The following DST variants were observed in gnomAD, a reference collection of about 807,000 sequenced individuals.
The protein encoded by DST is bullous pemphigoid antigen.
DST carries 253 observed loss-of-function variants against 875.2 expected under a neutral mutation model. The observed-to-expected ratio is 0.29, with a 90% CI of 0.26 to 0.32. DST has a LOEUF of 0.32. Ranked by LOEUF, DST falls within the 10% of genes least tolerant of loss-of-function variation. DST has a pLI of 1.00. For missense variants in DST, 8,287 were observed against 9,111.6 expected (o/e 0.91, Z 3.68); for synonymous variants, 3,124 against 3,197.1 (o/e 0.98, Z 0.77).
At chr6:56,642,965 T>C in intron 15 of DST, 1 of 1,396,978 alleles carries the variant, frequency 7.2e-7, no homozygotes, top group South Asian at 1.5e-5. Flanking sequence ...AATATGCTGA[T>C]AACTATTCAA....
intron 4 of DST, among the ~76,000 whole-genome samples, chr6:56,790,143 G>A (rs1367303713): frequency 6.6e-6 from 1 of 151,976 alleles, no homozygotes; most frequent in African/African-American, 2.4e-5. Context: ...GCTGACACTG[G>A]GGACTTTCCC....
rs190345863 is a variant in DST at position 56,567,234 on chromosome 6, G to A, written c.14005+1235C>T. The stretch of plus-strand genomic sequence containing the variant: ...AGACTTTCTCATACTAGTATCTATC[G>A]GCTATGTATCCAAAACACAAAGACA... On this transcript the variant is annotated intron_variant, in intron 55 of 103. Coordinates refer to ENST00000680361, the MANE Select transcript of DST (RefSeq NM_001374736.1). Among the ~76,000 whole-genome samples, 12 of 151,940 alleles carry A rather than the reference G, an allele frequency of 7.9e-5. No homozygotes were observed. In the East Asian group the frequency reaches 2.1e-3, roughly 27 times the overall value.
chr6:56,743,068 A>T (rs2099553202), intron 4 of DST, among the ~76,000 whole-genome samples: 1 of 152,194 alleles, frequency 6.6e-6, no homozygotes, highest in Non-Finnish European at 1.5e-5. Flanking sequence ...CCCTAATCTA[A>T]TAATGCAGGA....
At chr6:56,527,219 CCT>C (rs1491144132) in intron 68 of DST, among the ~76,000 whole-genome samples, 1 of 152,020 alleles carries the variant, frequency 6.6e-6, no homozygotes, top group Non-Finnish European at 1.5e-5. Flanking sequence ...TGATCATTTT[CCT>C]TTTTTTTTTC....
At chr6:56,746,698 A>C (rs2099573473) in intron 4 of DST, among the ~76,000 whole-genome samples, 1 of 152,192 alleles carries the variant, frequency 6.6e-6, no homozygotes, top group Non-Finnish European at 1.5e-5. Flanking sequence ...ATATTTCCAG[A>C]TTGAGTGCCT....
At chr6:56,762,953 C>T (rs2099621109) in intron 4 of DST, among the ~76,000 whole-genome samples, 2 of 149,596 alleles carry the variant, frequency 1.3e-5, no homozygotes, top group South Asian at 2.1e-4. Context: ...CCGGTTCAAG[C>T]GATTCTCCTA....
At chr6:56,940,724 C>A (rs769882670) in intron 2 of DST, among the ~76,000 whole-genome samples, 1 of 151,788 alleles carries the variant, frequency 6.6e-6, no homozygotes, top group Non-Finnish European at 1.5e-5. Context: ...GGACTGCAGG[C>A]GCAAGCCACC....
intron 90 of DST, among the ~76,000 whole-genome samples, chr6:56,477,722 T>C (rs562260309): frequency 6.6e-6 from 1 of 152,072 alleles, no homozygotes; most frequent in Admixed American, 6.5e-5. Context: ...CCAAGGGGAG[T>C]TGGTTCCAGG....
intron 9 of DST, among the ~76,000 whole-genome samples, chr6:56,672,959 A>C (rs1414994586): frequency 6.6e-6 from 1 of 152,158 alleles, no homozygotes; most frequent in Non-Finnish European, 1.5e-5. Context: ...GGAAACTGTG[A>C]ATGAAAAAGT....
intron 3 of DST, among the ~76,000 whole-genome samples, chr6:56,855,479 G>A (rs547028066): frequency 6.6e-6 from 1 of 152,080 alleles, no homozygotes; most frequent in African/African-American, 2.4e-5. Context: ...GGGGTGGGGG[G>A]TTAAATCAAG....
At chr6:56,845,566 G>A (rs2099806305) in intron 4 of DST, among the ~76,000 whole-genome samples, 1 of 152,178 alleles carries the variant, frequency 6.6e-6, no homozygotes, top group Non-Finnish European at 1.5e-5. Context: ...ATATGCATTT[G>A]TATGCACATT....
At position 56,608,429 on chromosome 6, in the gene DST, G is replaced by A. The variant is rs763489373; in HGVS notation, c.6199C>T (p.Arg2067Ter). 16 of 1,613,536 alleles carry A rather than the reference G, an allele frequency of 9.9e-6. No individual in the cohort carries two copies. Among genetic ancestry groups the A allele is most frequent in the South Asian group, 8.8e-5 (8 of 91,082 alleles). The change falls in exon 40 of 104, where the codon CGA (arginine) becomes TGA (stop). Residue 2067 changes from arginine (R) to a stop codon, truncating the protein, a stop_gained. Transcript: ENST00000680361. LOFTEE classifies it high-confidence loss of function. ...SSALLVLEAQ[R>*]GYVGLIWPHS... ...GGCCAAATGAGTCCAACATAGCCTCGCTGAGCTTCCAGGACCAGAAGAGCA... is the reference window on the plus strand; with the variant it reads ...GGCCAAATGAGTCCAACATAGCCTCACTGAGCTTCCAGGACCAGAAGAGCA...
intron 69 of DST, among the ~76,000 whole-genome samples, chr6:56,524,795 TCTC>T (rs1355154968): frequency 6.6e-6 from 1 of 152,040 alleles, no homozygotes; most frequent in Non-Finnish European, 1.5e-5. Context: ...CTATATAAAT[TCTC>T]CTCCTCTTTC....
Position 56,682,073 on chromosome 6 carries a change from G to A in DST, c.1048-11266C>T, listed in dbSNP as rs186327560. Among the ~76,000 whole-genome samples, 437 of 152,278 alleles carry A rather than the reference G, an allele frequency of 2.9e-3. 4 individuals are homozygous for A. Among genetic ancestry groups the A allele is most frequent in the Middle Eastern group, 0.014 (4 of 294 alleles). On this transcript the variant is annotated intron_variant, in intron 9 of 103. Transcript: ENST00000680361. ...CCTACAAGTTCAAAGAGAGTGTAAC[G>A]GGGAGGTCAACATGCCTACATAAAA...
chr6:56,679,276 A>G (rs1315500018), intron 9 of DST, among the ~76,000 whole-genome samples: 3 of 152,012 alleles, frequency 2.0e-5, no homozygotes, highest in Admixed American at 1.3e-4. Flanking sequence ...ATCCTGATCA[A>G]TCCAGCTGCA....
chr6:56,670,666 A>G lies in DST; in HGVS notation c.1189T>C (p.Phe397Leu), dbSNP rs1467729889. 1 of 1,593,748 alleles carries G rather than the reference A, an allele frequency of 6.3e-7. No individual in the cohort carries two copies. Among genetic ancestry groups the G allele is most frequent in the East Asian group, 2.3e-5 (1 of 43,996 alleles). The change falls in exon 10 of 104, where the codon TTT becomes CTT. Residue 397 changes from phenylalanine (F) to leucine (L), a missense_variant. Transcript: ENST00000680361. ...CTGTATTTATGAATGATGGCATTAAATAATTTTCCATCTCTCCAGCAGGTA... is the reference window on the plus strand; with the variant it reads ...CTGTATTTATGAATGATGGCATTAAGTAATTTTCCATCTCTCCAGCAGGTA... ...FTTCWRDGKL[F>L]NAIIHKYRPD...
chr6:56,636,694 A>G, intron 22 of DST, 42 bp from the exon 23 acceptor site: 1 of 1,473,622 alleles, frequency 6.8e-7, no homozygotes, highest in South Asian at 1.1e-5. Flanking sequence ...CTGGGGAGAA[A>G]TAAGGCACAC....
At chr6:56,811,940 C>T (rs769127996) in intron 4 of DST, among the ~76,000 whole-genome samples, 42 of 149,034 alleles carry the variant, frequency 2.8e-4, no homozygotes, top group Non-Finnish European at 3.7e-4. Flanking sequence ...ACTAAAAATA[C>T]GAAAAAAAAA....
chr6:56,812,832 C>T (rs2099762035), intron 4 of DST, among the ~76,000 whole-genome samples: 1 of 152,190 alleles, frequency 6.6e-6, no homozygotes, highest in South Asian at 2.1e-4. Flanking sequence ...GTGGTGATTC[C>T]GCAGGGATCT....
Sources: gnomAD v4.1 joint callset for allele counts (sites outside exome capture counted in the v4.1 genomes callset) on GRCh38, gnomAD v4.1.1 for gene constraint, MANE v1.5 for transcripts, NCBI Gene and HGNC (gene_info 2026-07-23, HGNC 2026-07-21) for gene names.